LSP1: variants seen among roughly 807,000 people sequenced by gnomAD.
LSP1 encodes lymphocyte-specific protein 1.
Under a neutral mutation model 49.3 loss-of-function variants are expected in LSP1, and 32 were observed. The ratio of observed to expected loss-of-function variants is 0.65; its 90% confidence interval spans 0.49 to 0.87. The LOEUF (loss-of-function observed/expected upper bound fraction) is 0.87, where lower values mean the gene tolerates loss of function less well. Among genes scored for constraint, LSP1 ranks in the 40% least tolerant of loss-of-function variants. The probability of loss-of-function intolerance (pLI) is 0.00; values close to 1 mark genes in which losing one functional copy is unlikely to be tolerated. For synonymous variants in LSP1, 179 were observed against 178.8 expected, an observed-to-expected ratio of 1.00 and a Z score of -0.01; for missense variants, 428 against 442.6, an observed-to-expected ratio of 0.97 and a Z score of 0.30.
Position 1,890,005 on chromosome 11 carries a change from G to A in LSP1, c.*14-1768G>A, listed in dbSNP as rs1362613667. 5 of 662,072 alleles carry A rather than the reference G, an allele frequency of 7.6e-6. No homozygotes were observed. In the Admixed American group the frequency reaches 9.3e-5, roughly 12 times the overall value. The allele number at this position is 662,072 out of a possible 1,614,324, so 41.0% of individuals were successfully genotyped here. On this transcript the variant is annotated intron_variant, in intron 10 of 10. Coordinates refer to ENST00000311604, the MANE Select transcript of LSP1 (RefSeq NM_002339.3). ...TCTGGGGCTGTCCTGGGAGGCTCAG[G>A]GGTCCCATTGTGTGGGGATGGTGCC...
At chr11:1,885,083 A>T (rs1848700817) in intron 7 of LSP1, among the ~76,000 whole-genome samples, 1 of 150,526 alleles carries the variant, frequency 6.6e-6, no homozygotes, top group Non-Finnish European at 1.5e-5. Flanking sequence ...ATCAAGATTC[A>T]TCCCTCCATC....
chr11:1,872,770 G>A (rs1024734421), intron 1 of LSP1, among the ~76,000 whole-genome samples: 3 of 152,072 alleles, frequency 2.0e-5, no homozygotes, highest in African/African-American at 4.8e-5. Flanking sequence ...CCTTTGGGAC[G>A]GGGTGTGTGT....
At chr11:1,887,605 A>T (rs745788293) in intron 10 of LSP1, 29 bp downstream of exon 10, 140 of 1,570,044 alleles carry the variant, frequency 8.9e-5, no homozygotes, top group Admixed American at 1.7e-4. Flanking sequence ...ACAGAAGGGG[A>T]TGAGGTGCAC....
At chr11:1,868,268 G>A (rs1164780283) in intron 1 of LSP1, among the ~76,000 whole-genome samples, 18 of 152,264 alleles carry the variant, frequency 1.2e-4, no homozygotes, top group Non-Finnish European at 4.4e-5. Context: ...AGTGAAGAGG[G>A]GGGCTGGGGA....
chr11:1,879,864 C>A (rs570703135), intron 1 of LSP1, among the ~76,000 whole-genome samples: 4 of 152,296 alleles, frequency 2.6e-5, no homozygotes, highest in African/African-American at 9.6e-5. Flanking sequence ...CCTCACAGGG[C>A]CCCAGGACCC....
chr11:1,872,535 G>C (rs1565078072), intron 1 of LSP1, among the ~76,000 whole-genome samples: 1 of 135,842 alleles, frequency 7.4e-6, no homozygotes. Flanking sequence ...CCTGGTGCAC[G>C]CTGGTAGAGT....
At chr11:1,872,430 A>ACCCCGGCCCGCAC (rs1848074272) in intron 1 of LSP1, among the ~76,000 whole-genome samples, 1 of 125,700 alleles carries the variant, frequency 8.0e-6, no homozygotes, top group Non-Finnish European at 1.6e-5. Context: ...GGCTGCAGTC[A>ACCCCGGCCCGCAC]TCCTGGTGCG....
At chr11:1,869,341 A>G (rs72843946) in intron 1 of LSP1, 44,994 of 308,076 alleles carry the variant, frequency 0.15, 4,090 homozygotes, top group Middle Eastern at 0.21. Flanking sequence ...GGGAGAAGTG[A>G]CAGAGAAAAG....
intron 10 of LSP1, chr11:1,889,789 C>A (rs1049700950): frequency 1.5e-6 from 1 of 647,182 alleles, no homozygotes; most frequent in South Asian, 1.8e-5. Context: ...GGCACCACAA[C>A]CCTGGCACTA....
In LSP1 at chr11:1,889,076, C is replaced by T. The variant is rs1848873454; in HGVS notation, c.*13+1500C>T. On this transcript the variant is annotated intron_variant, in intron 10 of 10. Coordinates refer to ENST00000311604, the MANE Select transcript of LSP1 (RefSeq NM_002339.3). ...TCTTCATGCAGCAACTATGGGCCCCCAGCTAGAGCCTCAGCCCCTTCTTCT... is the reference window on the plus strand; with the variant it reads ...TCTTCATGCAGCAACTATGGGCCCCTAGCTAGAGCCTCAGCCCCTTCTTCT... The T allele has an allele frequency of 2.6e-5, 15 of 582,148 alleles. No individual in the cohort carries two copies. In the South Asian group the frequency reaches 3.0e-4, roughly 12 times the overall value. The allele number at this position is 582,148 out of a possible 1,614,324, so 36.1% of individuals were successfully genotyped here.
In LSP1 at chr11:1,865,218, T is replaced by A. The variant is rs1322307234; in HGVS notation, c.53+12021T>A. ...GGCTGCAGCCTGGGCAGTCCCGGGC[T>A]TCTGAGGAGGAACTCTAGCAGACAG... is the stretch of plus-strand genomic sequence containing the variant. On this transcript the variant is annotated intron_variant, in intron 1 of 10. Coordinates refer to ENST00000311604, the MANE Select transcript of LSP1 (RefSeq NM_002339.3). The A allele has an allele frequency of 6.1e-6, 6 of 985,402 alleles. No individual in the cohort carries two copies. In the South Asian group the frequency reaches 2.8e-4, roughly 46 times the overall value. The allele number at this position is 985,402 out of a possible 1,614,324, so 61.0% of individuals were successfully genotyped here.
In LSP1 at chr11:1,881,494, C is replaced by T; in HGVS notation, c.254C>T (p.Ser85Phe). 6.3e-7 allele frequency: 1 copy of T among 1,576,936 alleles called. No homozygotes were observed. Among genetic ancestry groups the T allele is most frequent in the South Asian group, 1.2e-5 (1 of 86,174 alleles). The change falls in exon 3 of 11, where the codon TCC becomes TTC. Residue 85 changes from serine (S) to phenylalanine (F), a missense_variant. Coordinates refer to ENST00000311604, the MANE Select transcript of LSP1 (RefSeq NM_002339.3). ...LDEDEGFGDWSQRPEQRQQHE... is the reference protein window; with the variant it reads ...LDEDEGFGDWFQRPEQRQQHE... ...GAGGACGAGGGCTTTGGCGACTGGTCCCAGAGGCCAGAGCAGCGGCAGCAG... is the reference window on the plus strand; with the variant it reads ...GAGGACGAGGGCTTTGGCGACTGGTTCCAGAGGCCAGAGCAGCGGCAGCAG...
At chr11:1,858,979 A>T (rs1847555697) in intron 1 of LSP1, among the ~76,000 whole-genome samples, 1 of 152,198 alleles carries the variant, frequency 6.6e-6, no homozygotes, top group African/African-American at 2.4e-5. Flanking sequence ...ACTGCCTCCA[A>T]GCTGCTTGTG....
intron 1 of LSP1, among the ~76,000 whole-genome samples, chr11:1,861,407 T>C (rs1282732966): frequency 6.6e-6 from 1 of 152,222 alleles, no homozygotes; most frequent in African/African-American, 2.4e-5. Context: ...CTTCAAAGTG[T>C]CTGAATTCAG....
chr11:1,874,861 G>C (rs1848241274), intron 1 of LSP1, among the ~76,000 whole-genome samples: 1 of 152,078 alleles, frequency 6.6e-6, no homozygotes, highest in Non-Finnish European at 1.5e-5. Context: ...GCCCGGCAGG[G>C]CCCCCCTTGG....
rs1460816798 is a variant in LSP1 at position 1,873,901 on chromosome 11, AGAGGAGGGAGGCCGGCG to A, written c.54-6169_54-6153del. Among the ~76,000 whole-genome samples, 108 of 122,846 alleles carry A rather than the reference AGAGGAGGGAGGCCGGCG, an allele frequency of 8.8e-4. 7 individuals are homozygous for A. Among genetic ancestry groups the A allele is most frequent in the African/African-American group, 2.2e-3 (63 of 28,996 alleles). 80.6% of individuals were successfully genotyped at this position (122,846 alleles called of 152,430 possible). ...AGGCTGGCAGAGCAGGGAGCCCGGCAGAGGAGGGAGGCCGGCGGAGGAGGGAGGCCGGCAGAGGAGGG... is the reference window on the plus strand; with the variant it reads ...AGGCTGGCAGAGCAGGGAGCCCGGCAGAGGAGGGAGGCCGGCAGAGGAGGG... On this transcript the variant is annotated intron_variant, in intron 1 of 10. Coordinates refer to ENST00000311604, the MANE Select transcript of LSP1 (RefSeq NM_002339.3).
intron 1 of LSP1, among the ~76,000 whole-genome samples, chr11:1,867,988 C>A (rs1054534328): frequency 2.6e-5 from 4 of 152,196 alleles, no homozygotes; most frequent in Admixed American, 1.3e-4. Flanking sequence ...GCTGACCTAC[C>A]CCCAATGCCT....
intron 1 of LSP1, chr11:1,876,757 G>A (rs1231129683): frequency 1.0e-5 from 6 of 574,504 alleles, no homozygotes; most frequent in South Asian, 1.5e-4. Context: ...AAGGGCCAGC[G>A]TCCCGAGTCG....
At chr11:1,860,730 T>G (rs1347925879) in intron 1 of LSP1, among the ~76,000 whole-genome samples, 1 of 152,178 alleles carries the variant, frequency 6.6e-6, no homozygotes, top group Non-Finnish European at 1.5e-5. Context: ...AACAGCTAAA[T>G]GAGCAAATGT....
Sources: gnomAD v4.1 joint callset for allele counts (sites outside exome capture counted in the v4.1 genomes callset) on GRCh38, gnomAD v4.1.1 for gene constraint, MANE v1.5 for transcripts, NCBI Gene and HGNC (gene_info 2026-07-23, HGNC 2026-07-21) for gene names.